The following PAMR1 variants were observed in gnomAD, a reference collection of about 807,000 sequenced individuals.
PAMR1 encodes the protein peptidase domain containing associated with muscle regeneration 1.
Under a neutral mutation model 81.8 loss-of-function variants are expected in PAMR1, and 88 were observed. The observed-to-expected ratio is 1.08, with a 90% CI of 0.91 to 1.28. PAMR1 has a LOEUF of 1.28. Among genes scored for constraint, PAMR1 ranks in the 50% most tolerant of loss-of-function variants. PAMR1 has a pLI of 0.00. For missense variants in PAMR1, 935 were observed against 919.7 expected (o/e 1.02, Z -0.21); for synonymous variants, 336 against 345.3 (o/e 0.97, Z 0.30).
intron 1 of PAMR1, among the ~76,000 whole-genome samples, chr11:35,496,076 G>A (rs1850722930): frequency 1.3e-5 from 2 of 152,118 alleles, no homozygotes; most frequent in Admixed American, 1.3e-4. Context: ...TTACTTAGCT[G>A]CGCTTCCCAT....
intron 1 of PAMR1, among the ~76,000 whole-genome samples, chr11:35,513,198 T>C (rs1348912345): frequency 6.6e-6 from 1 of 152,214 alleles, no homozygotes; most frequent in Non-Finnish European, 1.5e-5. Flanking sequence ...AATAACCTGT[T>C]TCAGATACTA....
intron 7 of PAMR1, among the ~76,000 whole-genome samples, chr11:35,440,211 G>A (rs1856135722): frequency 6.6e-6 from 1 of 152,172 alleles, no homozygotes; most frequent in South Asian, 2.1e-4. Context: ...TTTTGTTGAA[G>A]TCTCTCTTTC....
At chr11:35,441,723 G>A (rs192795455) in intron 6 of PAMR1, 30 bp from the exon 7 acceptor site, 114 of 1,474,892 alleles carry the variant, frequency 7.7e-5, no homozygotes, top group Non-Finnish European at 1.0e-4. Context: ...AAGGAGAATT[G>A]TTAAAAGTCT....
chr11:35,462,318 T>G (rs1823301307), intron 6 of PAMR1, among the ~76,000 whole-genome samples: 1 of 152,224 alleles, frequency 6.6e-6, no homozygotes, highest in Admixed American at 6.5e-5. Flanking sequence ...GCATTCAACA[T>G]GCCTAATGTG....
At chr11:35,515,481 C>A (rs193129466) in intron 1 of PAMR1, among the ~76,000 whole-genome samples, 149 of 152,316 alleles carry the variant, frequency 9.8e-4, no homozygotes, top group African/African-American at 3.4e-3. Context: ...GTTACCTCCC[C>A]CAGCTCTGCA....
intron 6 of PAMR1, among the ~76,000 whole-genome samples, chr11:35,456,129 A>C (rs1856526200): frequency 6.6e-6 from 1 of 152,210 alleles, no homozygotes; most frequent in African/African-American, 2.4e-5. Context: ...GGGAGAATAA[A>C]TACATATATA....
At chr11:35,459,199 T>C (rs1233104815) in intron 6 of PAMR1, among the ~76,000 whole-genome samples, 1 of 151,834 alleles carries the variant, frequency 6.6e-6, no homozygotes, top group Non-Finnish European at 1.5e-5. Context: ...TGGTACACTA[T>C]GTCTTTCGGA....
intron 6 of PAMR1, among the ~76,000 whole-genome samples, chr11:35,465,039 C>A (rs757365181): frequency 3.3e-5 from 5 of 152,128 alleles, no homozygotes; most frequent in Non-Finnish European, 5.9e-5. Context: ...TGGAGTCTCA[C>A]CAAGACATAC....
rs1851310769 is a variant in PAMR1 at position 35,523,030 on chromosome 11, T to G, written c.73+2483A>C. 2.0e-5 allele frequency among the ~76,000 whole-genome samples: 3 copies of G among 152,228 alleles called. No homozygotes were observed. In the South Asian group the frequency reaches 6.2e-4, roughly 32 times the overall value. On this transcript the variant is annotated intron_variant, in intron 1 of 10. Transcript: ENST00000619888. ...CTCCATGATCCCATCATTAAATTATTTTCCTGTTGGGGATGCCAGGAGCTC... is the reference window on the plus strand; with the variant it reads ...CTCCATGATCCCATCATTAAATTATGTTCCTGTTGGGGATGCCAGGAGCTC...
At chr11:35,437,067 G>A (rs1214024495) in intron 8 of PAMR1, among the ~76,000 whole-genome samples, 1 of 152,196 alleles carries the variant, frequency 6.6e-6, no homozygotes. Flanking sequence ...TTGATCGGGA[G>A]AAATATGAAG....
chr11:35,434,436 G>A (rs952142720), intron 10 of PAMR1, 76 bp downstream of exon 10: 16 of 1,422,432 alleles, frequency 1.1e-5, no homozygotes, highest in East Asian at 6.9e-5. Context: ...ACAGAGCTTG[G>A]TATAATCACT....
chr11:35,510,269 C>G (rs2135417670), intron 1 of PAMR1, among the ~76,000 whole-genome samples: 1 of 152,296 alleles, frequency 6.6e-6, no homozygotes, highest in East Asian at 1.9e-4. Context: ...TTTGTTACAA[C>G]TGATGAACCT....
intron 5 of PAMR1, 30 bp from the exon 6 acceptor site, chr11:35,468,138 A>T (rs1273785015): frequency 7.3e-7 from 1 of 1,377,502 alleles, no homozygotes; most frequent in Admixed American, 2.0e-5. Flanking sequence ...CTTCAGTGCC[A>T]CTATACATTG....
chr11:35,455,903 GAA>G (rs67132659), intron 6 of PAMR1, among the ~76,000 whole-genome samples: 90 of 131,566 alleles, frequency 6.8e-4, no homozygotes, highest in African/African-American at 7.6e-4. Context: ...ACACTTAACA[GAA>G]AAAAAAAAAA....
chr11:35,485,801 A>G (rs1195902706), intron 3 of PAMR1, among the ~76,000 whole-genome samples: 6 of 5,222 alleles, frequency 1.1e-3, no homozygotes, highest in African/African-American at 8.2e-3. Flanking sequence ...GTACTCAGGA[A>G]AAAAAAATGC....
chr11:35,514,336 C>T (rs182573459), intron 1 of PAMR1, among the ~76,000 whole-genome samples: 4 of 152,186 alleles, frequency 2.6e-5, no homozygotes, highest in Non-Finnish European at 4.4e-5. Flanking sequence ...CTCCAGGGGC[C>T]CACACATACA....
At chr11:35,474,911 G>C (rs1850259176) in intron 3 of PAMR1, among the ~76,000 whole-genome samples, 167 bp from the exon 4 acceptor site, 1 of 152,204 alleles carries the variant, frequency 6.6e-6, no homozygotes, top group Admixed American at 6.5e-5. Context: ...AATGTGCCAG[G>C]CAATTTACAT....
intron 3 of PAMR1, among the ~76,000 whole-genome samples, chr11:35,488,197 C>CTTTTTTTTTTTTTTTTTTT (rs35884320): frequency 1.1e-5 from 1 of 88,030 alleles, no homozygotes; most frequent in Non-Finnish European, 2.2e-5. Context: ...CCTTTCCCAT[C>CTTTTTTTTTTTTTTTTTTT]TTTTTTTTTT....
At chr11:35,434,924 T>C in intron 9 of PAMR1, 120 bp from the exon 10 acceptor site, 1 of 869,500 alleles carries the variant, frequency 1.2e-6, no homozygotes, top group Non-Finnish European at 1.8e-6. Flanking sequence ...TGATGACCAC[T>C]AAGATAAGTA....
Sources: allele counts gnomAD v4.1 joint callset (sites outside exome capture counted in the v4.1 genomes callset), GRCh38; gene constraint gnomAD v4.1.1; transcripts MANE v1.5; gene names NCBI Gene and HGNC (gene_info 2026-07-23, HGNC 2026-07-21).